ELMOD3: variants seen among roughly 807,000 people sequenced by gnomAD.
The protein encoded by ELMOD3 is ELMO domain-containing protein 3.
In ELMOD3, 36 loss-of-function variants were observed where a neutral mutation model predicts 47.4. The observed-to-expected ratio is 0.76, with a 90% confidence interval of 0.58 to 1.00. ELMOD3 has a LOEUF of 1.00. ELMOD3 is among the 50% of genes least tolerant of loss of function. ELMOD3 has a pLI of 0.00. For missense variants in ELMOD3, 404 were observed against 463.8 expected (o/e 0.87, Z 1.18); for synonymous variants, 149 against 183.5 (o/e 0.81, Z 1.52).
chr2:85,357,151 C>T lies in ELMOD3; in HGVS notation c.-48C>T. The T allele has an allele frequency of 7.0e-7, 1 of 1,435,582 alleles. No homozygotes were observed. Among genetic ancestry groups the T allele is most frequent in the Middle Eastern group, 1.8e-4 (1 of 5,656 alleles). 88.9% of individuals were successfully genotyped at this position (1,435,582 alleles called of 1,614,324 possible). A position where few individuals can be genotyped will look rare whatever the true frequency, so the allele number is the denominator to read the frequency against. On this transcript the variant is annotated 5_prime_UTR_variant, in exon 4 of 14. Coordinates refer to ENST00000409013, the MANE Select transcript of ELMOD3 (RefSeq NM_001135022.2). ...TCTGATCTCAGACCTTACTAAAATG[C>T]TTTCTGGGCCCAAGGACAAAGCTCA...
chr2:85,389,654 T>C, intron 11 of ELMOD3, 97 bp from the exon 12 acceptor site: 1 of 913,320 alleles, frequency 1.1e-6, no homozygotes, highest in Non-Finnish European at 1.8e-6. Flanking sequence ...CTGTTGCCTC[T>C]GGGGCTGTGC....
chr2:85,371,111 G>T lies in ELMOD3; in HGVS notation c.386G>T (p.Arg129Met). ...AAAAGAATCCAGCCAACTATTCGAAGGACTGGGCTCGCCGCCCTCCGACAC... is the reference window on the plus strand; with the variant it reads ...AAAAGAATCCAGCCAACTATTCGAATGACTGGGCTCGCCGCCCTCCGACAC... ...FKKRIQPTIR[R>M]TGLAALRHYL... Residue 129 changes from arginine to methionine, a missense_variant, in exon 9 of 14, where the codon AGG becomes ATG. Transcript: ENST00000409013. 6.2e-7 allele frequency: 1 copy of T among 1,614,228 alleles called. No homozygotes were observed. The highest frequency in any genetic ancestry group is 1.3e-5 in the African/African-American group (1 of 75,078).
At chr2:85,354,885 C>T in intron 1 of ELMOD3, 56 bp downstream of exon 1, 1 of 180,324 alleles carries the variant, frequency 5.5e-6, no homozygotes, top group Non-Finnish European at 1.2e-5. Flanking sequence ...GCGGAGCTAG[C>T]AGCCGGCCTG....
At chr2:85,356,895 A>G (rs1371522581) in intron 3 of ELMOD3, 72 bp from the exon 4 acceptor site, 8 of 194,744 alleles carry the variant, frequency 4.1e-5, no homozygotes, top group Non-Finnish European at 2.1e-5. Flanking sequence ...AAAAAAAAAA[A>G]TTGTCAACAG....
chr2:85,369,927 C>T, intron 8 of ELMOD3, 97 bp downstream of exon 8: 1 of 1,456,300 alleles, frequency 6.9e-7, no homozygotes. Flanking sequence ...GCAAGCAAAT[C>T]TCCCCTAAGA....
chr2:85,357,510 A>C, intron 4 of ELMOD3: 1 of 341,626 alleles, frequency 2.9e-6, no homozygotes, highest in Non-Finnish European at 5.3e-6. Context: ...TCACCCAAGA[A>C]ATCTGTATTT....
At chr2:85,364,825 A>ATATATATATATATTTTTTTTTTTTT (rs375582916) in intron 6 of ELMOD3, among the ~76,000 whole-genome samples, 1 of 69,894 alleles carries the variant, frequency 1.4e-5, no homozygotes, top group African/African-American at 6.7e-5. Flanking sequence ...ATATATATAT[A>ATATATATATATATTTTTTTTTTTTT]TTTTTTTTTT....
At chr2:85,384,127 G>A (rs1685766687) in intron 11 of ELMOD3, among the ~76,000 whole-genome samples, 1 of 152,216 alleles carries the variant, frequency 6.6e-6, no homozygotes, top group Non-Finnish European at 1.5e-5. Context: ...CTTTCCAAAG[G>A]AGGCAATCAG....
chr2:85,366,124 AT>A (rs566714087), intron 6 of ELMOD3, among the ~76,000 whole-genome samples: 365 of 135,552 alleles, frequency 2.7e-3, no homozygotes, highest in Middle Eastern at 3.8e-3. Flanking sequence ...TACCCAGCTA[AT>A]TTTTTTTTTT....
At position 85,369,768 on chromosome 2, in the gene ELMOD3, C is replaced by A; in HGVS notation, c.298C>A (p.Gln100Lys). ...CCAAGCTAGCTCAGAGCAGCCTGGGCAGCTAATCTCCTTCAGTGAGGCCCT... is the reference window on the plus strand; with the variant it reads ...CCAAGCTAGCTCAGAGCAGCCTGGGAAGCTAATCTCCTTCAGTGAGGCCCT... ...GSQASSEQPGQLISFSEALQH... is the reference protein window; with the variant it reads ...GSQASSEQPGKLISFSEALQH... The change falls in exon 8 of 14, where the codon CAG (glutamine) becomes AAG (lysine). Residue 100 changes from glutamine (Q) to lysine (K), a missense_variant. By Grantham distance (53) the Gln-to-Lys change is moderately conservative. Coordinates refer to ENST00000409013, the MANE Select transcript of ELMOD3 (RefSeq NM_001135022.2). 1 of 1,614,106 alleles carries A rather than the reference C, an allele frequency of 6.2e-7. No homozygotes were observed. The highest frequency in any genetic ancestry group is 8.5e-7 in the Non-Finnish European group (1 of 1,179,992).
intron 10 of ELMOD3, among the ~76,000 whole-genome samples, chr2:85,373,916 C>A (rs907125175): frequency 1.4e-5 from 2 of 145,324 alleles, no homozygotes; most frequent in African/African-American, 5.1e-5. Context: ...CCTTCCTAAC[C>A]CTCTTTTTTT....
rs555140399 is a variant in ELMOD3, at chr2:85,378,596, A to C, written c.738+1122A>C. ...AATAATTACATTTGAGTTTCTGCTTAGGGTCTCCAAAGGAGGCAATCAGAT... is the reference window on the plus strand; with the variant it reads ...AATAATTACATTTGAGTTTCTGCTTCGGGTCTCCAAAGGAGGCAATCAGAT... On this transcript the variant is annotated intron_variant, in intron 11 of 13. Coordinates refer to ENST00000409013, the MANE Select transcript of ELMOD3 (RefSeq NM_001135022.2). 5.3e-5 allele frequency among the ~76,000 whole-genome samples: 8 copies of C among 152,364 alleles called. No individual in the cohort carries two copies. In the South Asian group the frequency reaches 1.7e-3, roughly 32 times the overall value.
At chr2:85,390,045 C>A in intron 12 of ELMOD3, 93 bp from the exon 13 acceptor site, 1 of 1,349,068 alleles carries the variant, frequency 7.4e-7, no homozygotes, top group South Asian at 1.2e-5. Flanking sequence ...TTTGGGCTGG[C>A]TCCCCTGGGG....
At chr2:85,389,332 C>T (rs186815018) in intron 11 of ELMOD3, among the ~76,000 whole-genome samples, 204 of 152,296 alleles carry the variant, frequency 1.3e-3, no homozygotes, top group Non-Finnish European at 2.3e-3. Context: ...GGAGAGGAGA[C>T]TTTAAGAACC....
At chr2:85,357,313 G>C in intron 4 of ELMOD3, 61 bp downstream of exon 4, 1 of 1,091,072 alleles carries the variant, frequency 9.2e-7, no homozygotes, top group Non-Finnish European at 1.4e-6. Flanking sequence ...ATTAAGTATA[G>C]TAAGAATATA....
chr2:85,388,133 T>C (rs1296650248), intron 11 of ELMOD3, among the ~76,000 whole-genome samples: 1 of 152,078 alleles, frequency 6.6e-6, no homozygotes, highest in Non-Finnish European at 1.5e-5. Context: ...AAAGTATCTT[T>C]TTTGTGTTTG....
chr2:85,380,090 A>T (rs1685441493), intron 11 of ELMOD3, among the ~76,000 whole-genome samples: 1 of 152,246 alleles, frequency 6.6e-6, no homozygotes, highest in Non-Finnish European at 1.5e-5. Flanking sequence ...GCCTTGGTAA[A>T]ATAATTAGTT....
At chr2:85,382,370 G>A (rs1465122529) in intron 11 of ELMOD3, among the ~76,000 whole-genome samples, 4 of 150,108 alleles carry the variant, frequency 2.7e-5, no homozygotes, top group Admixed American at 6.6e-5. Flanking sequence ...CCTGGGAGGC[G>A]AAGCTTGTAG....
At position 85,383,356 on chromosome 2, in the gene ELMOD3, C is replaced by T. The variant is rs183927800; in HGVS notation, c.738+5882C>T. 6.0e-4 allele frequency among the ~76,000 whole-genome samples: 90 copies of T among 151,050 alleles called. 1 individual carries two copies. The highest frequency in any genetic ancestry group is 2.1e-3 in the African/African-American group (88 of 41,196). On this transcript the variant is annotated intron_variant, in intron 11 of 13. Coordinates refer to ENST00000409013, the MANE Select transcript of ELMOD3 (RefSeq NM_001135022.2). ...ATCATATTGCTTGATCCTGGGAGGTCGAGGTTGCAGTGAGCTGTGATTGTG... is the reference window on the plus strand; with the variant it reads ...ATCATATTGCTTGATCCTGGGAGGTTGAGGTTGCAGTGAGCTGTGATTGTG...
Sources: allele counts gnomAD v4.1 joint callset (sites outside exome capture counted in the v4.1 genomes callset), GRCh38; gene constraint gnomAD v4.1.1; transcripts MANE v1.5; gene names NCBI Gene and HGNC (gene_info 2026-07-23, HGNC 2026-07-21).